Variants in SECISBP2 observed in about 807,000 individuals in gnomAD.
SECISBP2 encodes SECIS binding protein 2, also known as selenocysteine insertion sequence-binding protein 2.
In SECISBP2, 96 loss-of-function variants were observed where a neutral mutation model predicts 98.2. The observed-to-expected ratio is 0.98, with a 90% CI of 0.83 to 1.16. The LOEUF is 1.16. Among genes scored for constraint, SECISBP2 ranks in the 50% most tolerant of loss-of-function variants. The pLI is 0.00. For synonymous variants in SECISBP2, 407 were observed against 370.2 expected (o/e 1.10, Z -1.14); for missense variants, 1,046 against 1,022.9 (o/e 1.02, Z -0.31).
intron 2 of SECISBP2, among the ~76,000 whole-genome samples, chr9:89,320,772 A>T (rs1825667928): frequency 6.6e-6 from 1 of 152,238 alleles, no homozygotes; most frequent in South Asian, 2.1e-4. Flanking sequence ...CTGAATTTAG[A>T]CAAAAAAAGT....
intron 14 of SECISBP2, chr9:89,355,496 G>A: frequency 6.3e-6 from 6 of 958,238 alleles, no homozygotes; most frequent in Non-Finnish European, 7.4e-6. Flanking sequence ...CTTTTGGGAT[G>A]TTGACCTCTT....
intron 7 of SECISBP2, among the ~76,000 whole-genome samples, chr9:89,337,138 A>C (rs1317063823): frequency 6.6e-6 from 1 of 152,150 alleles, no homozygotes. Context: ...CCTAATATGC[A>C]GTTAGCATTC....
chr9:89,342,692 C>T (rs912591727), intron 10 of SECISBP2, among the ~76,000 whole-genome samples: 1 of 152,106 alleles, frequency 6.6e-6, no homozygotes, highest in Non-Finnish European at 1.5e-5. Context: ...CTGTGTGATT[C>T]CACCTAAAAG....
intron 5 of SECISBP2, chr9:89,329,914 CTT>C (rs1827467794): frequency 1.3e-5 from 2 of 152,288 alleles, no homozygotes; most frequent in African/African-American, 4.8e-5. Context: ...AAAAAAAAGA[CTT>C]TTATAAAAAT....
downstream of SECISBP2, chr9:89,362,440 A>T (rs376620202): frequency 6.2e-7 from 1 of 1,613,968 alleles, no homozygotes; most frequent in Admixed American, 1.7e-5. Flanking sequence ...TGAAAGAACA[A>T]TGTGGTCTTT....
At position 89,325,487 on chromosome 9, in the gene SECISBP2, A is replaced by G; in HGVS notation, c.243A>G (p.Leu81=). Residue 81 remains leucine, a synonymous_variant, in exon 3 of 17, where the codon TTA becomes TTG. Transcript: ENST00000375807. ...FGASTFPPQY[L]SSEITLHPYA... The stretch of plus-strand genomic sequence containing the variant: ...CTTCAACTTTTCCACCTCAGTATTT[A>G]TCTTCTGAGATAACTCTTCATCCAT... 6.2e-7 allele frequency: 1 copy of G among 1,613,716 alleles called. No homozygotes were observed.
At chr9:89,320,417 A>C (rs1297579445) in intron 2 of SECISBP2, among the ~76,000 whole-genome samples, 2 of 152,038 alleles carry the variant, frequency 1.3e-5, no homozygotes, top group Non-Finnish European at 2.9e-5. Context: ...ATGGTTTAAA[A>C]ATATATCATA....
chr9:89,320,620 T>A (rs924880345), intron 2 of SECISBP2, among the ~76,000 whole-genome samples: 17 of 152,300 alleles, frequency 1.1e-4, no homozygotes, highest in African/African-American at 4.1e-4. Context: ...TTTATATCTG[T>A]TAATATGGAG....
intron 14 of SECISBP2, chr9:89,354,810 A>ATG: frequency 1.0e-6 from 1 of 985,432 alleles, no homozygotes; most frequent in Non-Finnish European, 1.2e-6. Flanking sequence ...GCTGGGGTGG[A>ATG]CACCAGGCAG....
chr9:89,325,464 T>G lies in SECISBP2; in HGVS notation c.220T>G (p.Ser74Ala). 6.2e-7 allele frequency: 1 copy of G among 1,613,964 alleles called. No homozygotes were observed. The highest frequency in any genetic ancestry group is 8.5e-7 in the Non-Finnish European group (1 of 1,179,912). The change falls in exon 3 of 17, where the codon TCA (serine) becomes GCA (alanine). Residue 74 changes from serine (S) to alanine (A), a missense_variant. Ser to Ala is a moderately conservative substitution (Grantham distance 99). Coordinates refer to ENST00000375807, the MANE Select transcript of SECISBP2 (RefSeq NM_024077.5). ...TACTGAAGACATGGCCTTTGGAGCT[T>G]CAACTTTTCCACCTCAGTATTTATC... Reference protein sequence around the residue: ...IYTEDMAFGASTFPPQYLSSE... With the variant: ...IYTEDMAFGAATFPPQYLSSE...
At chr9:89,366,806 A>T in the SECISBP2 span, among the ~76,000 whole-genome samples, 8 of 152,184 alleles carry the variant, frequency 5.3e-5, no homozygotes, top group Non-Finnish European at 1.5e-5. Flanking sequence ...GAGTTCTATA[A>T]AAGCCCGGTC....
chr9:89,327,523 T>C (rs1826948204), intron 4 of SECISBP2, among the ~76,000 whole-genome samples: 6 of 152,168 alleles, frequency 3.9e-5, no homozygotes, highest in Admixed American at 3.9e-4. Context: ...TTTTCTTTCT[T>C]TACATCCTTA....
downstream of SECISBP2, chr9:89,363,898 G>C: frequency 6.2e-7 from 1 of 1,614,086 alleles, no homozygotes. Flanking sequence ...CAGGGACACA[G>C]GTCTCCAGAG....
At chr9:89,348,280 T>C in intron 12 of SECISBP2, 66 bp downstream of exon 12, 1 of 1,588,192 alleles carries the variant, frequency 6.3e-7, no homozygotes, top group Non-Finnish European at 8.6e-7. Context: ...GGATGAGCTA[T>C]GCTGAGCAAA....
intron 4 of SECISBP2, among the ~76,000 whole-genome samples, chr9:89,327,641 A>G (rs1031914003): frequency 3.3e-5 from 5 of 152,302 alleles, no homozygotes; most frequent in South Asian, 2.1e-4. Context: ...GGTCAGAATC[A>G]TCTGTATCAC....
chr9:89,363,137 G>A (rs543598524), downstream of SECISBP2, among the ~76,000 whole-genome samples: 287 of 152,292 alleles, frequency 1.9e-3, 1 homozygote, highest in African/African-American at 6.4e-3. Flanking sequence ...TGGGGTGGTC[G>A]TGGGGGCCCA....
Position 89,334,511 on chromosome 9 carries a change from T to C in SECISBP2, c.881-11T>C. 1 of 1,613,164 alleles carries C rather than the reference T, an allele frequency of 6.2e-7. No homozygotes were observed. The highest frequency in any genetic ancestry group is 8.5e-7 in the Non-Finnish European group (1 of 1,179,366). ...TGAGATTGTTCAACAATTTTGGTTA[T>C]CTTTGAGCAGAGTTATCTTGGACAC... On this transcript the variant is annotated splice_polypyrimidine_tract_variant and intron_variant, in intron 6 of 16. Transcript: ENST00000375807.
intron 7 of SECISBP2, among the ~76,000 whole-genome samples, chr9:89,336,599 G>T (rs1157611393): frequency 1.3e-5 from 2 of 151,818 alleles, no homozygotes; most frequent in East Asian, 1.9e-4. Context: ...ACGTGTGCTT[G>T]TTCCTCATTG....
intron 6 of SECISBP2, among the ~76,000 whole-genome samples, chr9:89,333,724 G>A (rs977080119): frequency 2.6e-5 from 4 of 152,236 alleles, no homozygotes; most frequent in Non-Finnish European, 5.9e-5. Context: ...TCCTGGCCAA[G>A]AAGTAATATT....
Sources: allele counts gnomAD v4.1 joint callset (sites outside exome capture counted in the v4.1 genomes callset), GRCh38; gene constraint gnomAD v4.1.1; transcripts MANE v1.5; gene names NCBI Gene and HGNC (gene_info 2026-07-23, HGNC 2026-07-21).